The following MAP4 variants were observed in gnomAD, a reference collection of about 807,000 sequenced individuals.
MAP4 encodes microtubule-associated protein 4.
A neutral mutation model predicts 170.2 loss-of-function variants in MAP4; 76 were observed. That is an observed-to-expected ratio of 0.45 (90% CI 0.37 to 0.54). MAP4 has a LOEUF of 0.54. Ranked by LOEUF, MAP4 falls within the 20% of genes least tolerant of loss-of-function variation. The pLI, the probability that MAP4 is intolerant of heterozygous loss-of-function variation, is 0.00. For missense variants in MAP4, 2,506 were observed against 2,748.0 expected (o/e 0.91, Z 1.97); for synonymous variants, 909 against 994.5 (o/e 0.91, Z 1.62).
At chr3:48,018,748 A>C (rs2100109091), upstream of MAP4, among the ~76,000 whole-genome samples, 1 of 152,144 alleles carries the variant, frequency 6.6e-6, no homozygotes, top group African/African-American at 2.4e-5. Context: ...GGTTGCAGTG[A>C]GCCAAGATCG....
intron 10 of MAP4, among the ~76,000 whole-genome samples, chr3:47,880,126 G>A (rs2096424243): frequency 6.6e-6 from 1 of 151,538 alleles, no homozygotes; most frequent in Admixed American, 6.6e-5. Context: ...TTTTGAGATG[G>A]AGTCTCACTT....
intron 3 of MAP4, among the ~76,000 whole-genome samples, chr3:47,951,024 T>G (rs970918823): frequency 6.6e-6 from 1 of 152,328 alleles, no homozygotes; most frequent in Non-Finnish European, 1.5e-5. Flanking sequence ...GTTTTTCAAG[T>G]AGGTCAGTTT....
chr3:48,025,936 T>TAATAATAATAATAAC (rs796434506), intron 1 of MAP4, among the ~76,000 whole-genome samples: 109 of 147,530 alleles, frequency 7.4e-4, no homozygotes, highest in Middle Eastern at 3.7e-3. Flanking sequence ...ATAATAATAA[T>TAATAATAATAATAAC]AACAATAATA....
intron 12 of MAP4, 29 bp downstream of exon 12, chr3:47,875,656 C>T (rs1003018282): frequency 1.9e-6 from 3 of 1,588,386 alleles, no homozygotes; most frequent in African/African-American, 2.7e-5. Flanking sequence ...AACAATTTTC[C>T]TCGGCACAGT....
chr3:47,908,488 A>T (rs1398734645), intron 9 of MAP4, among the ~76,000 whole-genome samples: 1 of 152,196 alleles, frequency 6.6e-6, no homozygotes, highest in African/African-American at 2.4e-5. Flanking sequence ...AACACAAATA[A>T]ATCGGTGCCT....
intron 10 of MAP4, among the ~76,000 whole-genome samples, chr3:47,900,721 G>C (rs956014176): frequency 3.9e-5 from 6 of 152,212 alleles, no homozygotes; most frequent in Admixed American, 6.5e-5. Context: ...GGGCTACAGA[G>C]GGAGACTGTC....
chr3:48,001,186 G>A (rs904261886), intron 1 of MAP4, among the ~76,000 whole-genome samples: 1 of 152,068 alleles, frequency 6.6e-6, no homozygotes. Context: ...CTAGGCAAGT[G>A]TCTAGAAAAA....
intron 3 of MAP4, among the ~76,000 whole-genome samples, chr3:47,954,965 C>T (rs1018187641): frequency 2.6e-5 from 4 of 152,084 alleles, no homozygotes; most frequent in Admixed American, 6.6e-5. Context: ...TAGAACTTAC[C>T]CTCCCTACTA....
intron 10 of MAP4, among the ~76,000 whole-genome samples, chr3:47,885,799 G>A (rs1341565669): frequency 6.6e-6 from 1 of 151,414 alleles, no homozygotes; most frequent in Non-Finnish European, 1.5e-5. Context: ...CGCCATCTCG[G>A]CTCACTGCAA....
intron 3 of MAP4, among the ~76,000 whole-genome samples, chr3:47,968,829 T>C (rs543865454): frequency 2.0e-5 from 3 of 151,638 alleles, no homozygotes; most frequent in East Asian, 1.9e-4. Flanking sequence ...ATGAAAAAAA[T>C]TGACAAACTT....
chr3:47,969,416 G>A (rs11713022), intron 3 of MAP4, among the ~76,000 whole-genome samples: 8,596 of 44,806 alleles, frequency 0.19, 314 homozygotes, highest in South Asian at 0.25. Context: ...CGCGGGGCGC[G>A]GGGAGAGAAA....
intron 1 of MAP4, among the ~76,000 whole-genome samples, chr3:48,056,522 C>T (rs1227298694): frequency 1.2e-5 from 1 of 80,608 alleles, no homozygotes; most frequent in Non-Finnish European, 2.4e-5. Flanking sequence ...CCAGCCGCCC[C>T]GTCTGGGAGG....
chr3:47,853,119 G>A (rs749975072), intron 20 of MAP4, 44 bp downstream of exon 20: 8 of 1,613,008 alleles, frequency 5.0e-6, no homozygotes, highest in Non-Finnish European at 6.8e-6. Flanking sequence ...TGCGGCCAGT[G>A]GCAGGGCCCC....
intron 3 of MAP4, among the ~76,000 whole-genome samples, chr3:47,944,920 G>T: frequency 6.7e-6 from 1 of 149,294 alleles, no homozygotes; most frequent in Non-Finnish European, 1.5e-5. Flanking sequence ...GTTTGTTAAT[G>T]GTATTGCAAT....
intron 12 of MAP4, among the ~76,000 whole-genome samples, chr3:47,874,589 T>C (rs1262884895): frequency 6.6e-6 from 1 of 152,206 alleles, no homozygotes; most frequent in Non-Finnish European, 1.5e-5. Flanking sequence ...CTCTCCTCTG[T>C]CACCCCCCAG....
intron 1 of MAP4, among the ~76,000 whole-genome samples, chr3:48,007,555 G>A (rs1253041994): frequency 6.6e-6 from 1 of 152,224 alleles, no homozygotes; most frequent in East Asian, 1.9e-4. Context: ...GGTGCTTAAT[G>A]TGTCAGTGGC....
intron 1 of MAP4, among the ~76,000 whole-genome samples, chr3:48,074,501 T>TAC (rs1229772596): frequency 2.5e-5 from 2 of 80,248 alleles, no homozygotes; most frequent in Non-Finnish European, 4.9e-5. Context: ...TATATATATA[T>TAC]ACACACACTT....
At chr3:48,088,368 C>A (rs1298123244) in intron 1 of MAP4, among the ~76,000 whole-genome samples, 3 of 152,160 alleles carry the variant, frequency 2.0e-5, no homozygotes, top group Non-Finnish European at 2.9e-5. Flanking sequence ...AACTGACCCC[C>A]ACAAAGCCTC....
intron 5 of MAP4, among the ~76,000 whole-genome samples, 198 bp downstream of exon 5, chr3:47,921,567 G>A (rs1405278843): frequency 6.6e-6 from 1 of 152,108 alleles, no homozygotes; most frequent in Non-Finnish European, 1.5e-5. Flanking sequence ...TATATAAGGT[G>A]GAATTCTAAA....
Sources: allele counts gnomAD v4.1 joint callset (sites outside exome capture counted in the v4.1 genomes callset), GRCh38; gene constraint gnomAD v4.1.1; transcripts MANE v1.5; gene names NCBI Gene and HGNC (gene_info 2026-07-23, HGNC 2026-07-21).